The following RASGEF1A variants were observed in gnomAD, a reference collection of about 807,000 sequenced individuals.
RASGEF1A encodes the protein RasGEF domain family member 1A.
In RASGEF1A, 18 loss-of-function variants were observed where a neutral mutation model predicts 56.4. The ratio of observed to expected loss-of-function variants is 0.32; its 90% confidence interval spans 0.22 to 0.47. RASGEF1A has a LOEUF of 0.47. Among genes scored for constraint, RASGEF1A ranks in the 20% least tolerant of loss-of-function variants. The pLI, the probability that RASGEF1A is intolerant of heterozygous loss-of-function variation, is 1.00. For synonymous variants in RASGEF1A, 245 were observed against 242.6 expected (o/e 1.01, Z -0.09); for missense variants, 422 against 627.1 (o/e 0.67, Z 3.49).
chr10:43,219,043 C>T (rs1191866981), intron 1 of RASGEF1A, among the ~76,000 whole-genome samples: 1 of 152,204 alleles, frequency 6.6e-6, no homozygotes, highest in Non-Finnish European at 1.5e-5. Flanking sequence ...CATTGTCCAC[C>T]AAGAACCATT....
intron 1 of RASGEF1A, chr10:43,208,150 A>G: frequency 3.0e-6 from 3 of 985,448 alleles, no homozygotes; most frequent in Non-Finnish European, 2.4e-6. Context: ...CCTCCCCAAG[A>G]TCACACAGTT....
chr10:43,252,788 T>C (rs150301738), intron 1 of RASGEF1A, among the ~76,000 whole-genome samples: 145 of 152,214 alleles, frequency 9.5e-4, no homozygotes, highest in African/African-American at 3.3e-3. Context: ...AGGCTCCCTC[T>C]GCTGCACACC....
intron 1 of RASGEF1A, among the ~76,000 whole-genome samples, chr10:43,223,456 C>T (rs1840234992): frequency 6.6e-6 from 1 of 152,208 alleles, no homozygotes; most frequent in Non-Finnish European, 1.5e-5. Context: ...TAGGAAAACT[C>T]TGTATCGAAT....
intron 1 of RASGEF1A, among the ~76,000 whole-genome samples, chr10:43,214,079 G>A (rs1168908711): frequency 6.6e-6 from 1 of 152,188 alleles, no homozygotes; most frequent in East Asian, 1.9e-4. Context: ...CTGAGCTGGT[G>A]CACAGTCCTT....
chr10:43,223,477 CA>C (rs1840235207), intron 1 of RASGEF1A, among the ~76,000 whole-genome samples: 1 of 152,142 alleles, frequency 6.6e-6, no homozygotes, highest in East Asian at 1.9e-4. Context: ...TTGATATGGC[CA>C]AAGCTGTACT....
chr10:43,203,378 TA>T lies in RASGEF1A; in HGVS notation c.240del (p.Phe80LeufsTer31). The stretch of plus-strand genomic sequence containing the variant: ...CGGGCCAGCAGGTCATGAGGGGGCA[TA>T]AAGACCCGGGAGCTCAGGAGAAAGG... The part of the protein sequence containing the change: ...IFTFLLSSRV[F>X]MPPHDLLARV... On this transcript the variant is annotated frameshift_variant, in exon 3 of 13. Coordinates refer to ENST00000395810, the MANE Select transcript of RASGEF1A (RefSeq NM_145313.4). LOFTEE classifies it high-confidence loss of function. 1 of 1,587,612 alleles carries T rather than the reference TA, an allele frequency of 6.3e-7. No individual in the cohort carries two copies. The highest frequency in any genetic ancestry group is 8.6e-7 in the Non-Finnish European group (1 of 1,167,330).
chr10:43,217,926 C>T (rs1202813057), intron 1 of RASGEF1A, among the ~76,000 whole-genome samples: 2 of 152,288 alleles, frequency 1.3e-5, no homozygotes, highest in African/African-American at 4.8e-5. Context: ...AGCCCTTGTC[C>T]CATCTGCTGA....
chr10:43,259,593 T>C (rs1428918576), intron 1 of RASGEF1A, among the ~76,000 whole-genome samples: 4 of 152,180 alleles, frequency 2.6e-5, no homozygotes, highest in Non-Finnish European at 5.9e-5. Flanking sequence ...CCCACACAGA[T>C]GTCTCCTGAG....
At chr10:43,205,319 G>A (rs1359253396) in intron 2 of RASGEF1A, among the ~76,000 whole-genome samples, 2 of 152,194 alleles carry the variant, frequency 1.3e-5, no homozygotes, top group African/African-American at 4.8e-5. Flanking sequence ...AGGCACACTT[G>A]ACAAGGGAAC....
intron 1 of RASGEF1A, among the ~76,000 whole-genome samples, chr10:43,242,134 T>A (rs1382075686): frequency 1.3e-5 from 2 of 151,694 alleles, no homozygotes; most frequent in Non-Finnish European, 2.9e-5. Flanking sequence ...CGAGACTCCA[T>A]CTCAAAAAAA....
At chr10:43,250,648 G>C (rs576584856) in intron 1 of RASGEF1A, among the ~76,000 whole-genome samples, 3 of 152,220 alleles carry the variant, frequency 2.0e-5, no homozygotes, top group South Asian at 2.1e-4. Flanking sequence ...GGGAAGGGGG[G>C]GGTCAGGCAC....
At chr10:43,201,510 C>T (rs1839897836) in intron 4 of RASGEF1A, among the ~76,000 whole-genome samples, 1 of 152,228 alleles carries the variant, frequency 6.6e-6, no homozygotes, top group South Asian at 2.1e-4. Context: ...TCTCAATAGG[C>T]TCCCACTCCA....
chr10:43,196,246 A>T lies in RASGEF1A; in HGVS notation c.1444T>A (p.Ter482ArgextTer14), dbSNP rs1446422846. 1 of 1,613,256 alleles carries T rather than the reference A, an allele frequency of 6.2e-7. No homozygotes were observed. The highest frequency in any genetic ancestry group is 1.3e-5 in the African/African-American group (1 of 74,924). Residue 482 changes from the stop codon to arginine, a stop_lost, in exon 13 of 13, where the codon TGA (stop) becomes AGA (arginine). Transcript: ENST00000395810. The surrounding 1 kb of genome is among the most constrained non-coding windows in gnomAD (Gnocchi z 4.6). ...TLRTTLLNRA[*>R] ...TGGCGTCGCGGGCTGCATCCGCCTC[A>T]GGCTCTGTTCAGAAGGGTGGTCCTA... is the stretch of plus-strand genomic sequence containing the variant.
chr10:43,214,826 TG>T lies in RASGEF1A; in HGVS notation c.-6-8705del, dbSNP rs754014384. 6.8e-4 allele frequency among the ~76,000 whole-genome samples: 104 copies of T among 152,328 alleles called. No homozygotes were observed. The Middle Eastern group carries it at 0.01, about 15-fold the overall frequency. On this transcript the variant is annotated intron_variant, in intron 1 of 12. Transcript: ENST00000395810. ...CATCGTTAGGAGTTAGAGTGAGCTG[TG>T]TGCTGGCCATTCCATGACTCATCTC... is the stretch of plus-strand genomic sequence containing the variant.
chr10:43,216,645 G>A (rs1303959590), intron 1 of RASGEF1A, among the ~76,000 whole-genome samples: 1 of 152,226 alleles, frequency 6.6e-6, no homozygotes, highest in African/African-American at 2.4e-5. Context: ...CCCAGAGAAG[G>A]CCGTTGGGAT....
intron 1 of RASGEF1A, among the ~76,000 whole-genome samples, chr10:43,245,907 C>T (rs570673361): frequency 1.3e-4 from 20 of 152,180 alleles, no homozygotes; most frequent in African/African-American, 4.3e-4. Context: ...GAGGTTCTGG[C>T]CTCGGCAATT....
chr10:43,207,198 A>C, intron 1 of RASGEF1A: 1 of 985,500 alleles, frequency 1.0e-6, no homozygotes, highest in Non-Finnish European at 1.2e-6. Flanking sequence ...CCCTCAAGGG[A>C]AGGCAGCACA....
At chr10:43,232,124 T>C (rs1840377827) in intron 1 of RASGEF1A, among the ~76,000 whole-genome samples, 1 of 152,250 alleles carries the variant, frequency 6.6e-6, no homozygotes, top group African/African-American at 2.4e-5. Context: ...CTGATATGAT[T>C]TGGGTTTGTG....
chr10:43,204,084 G>A (rs1375584545), intron 2 of RASGEF1A, among the ~76,000 whole-genome samples: 1 of 152,200 alleles, frequency 6.6e-6, no homozygotes, highest in Non-Finnish European at 1.5e-5. Flanking sequence ...CTCGTGGGCT[G>A]GGTTCTTGGG....
Sources: gnomAD v4.1 joint callset for allele counts (sites outside exome capture counted in the v4.1 genomes callset) on GRCh38, gnomAD v4.1.1 for gene constraint, Gnocchi (gnomAD v3.1) non-coding constraint, MANE v1.5 for transcripts, NCBI Gene and HGNC (gene_info 2026-07-23, HGNC 2026-07-21) for gene names.